Variants in ITPRID1 observed in about 807,000 individuals in gnomAD.
The protein encoded by ITPRID1 is protein ITPRID1.
In ITPRID1, 96 loss-of-function variants were observed where a neutral mutation model predicts 95.4. The ratio of observed to expected loss-of-function variants is 1.01; its 90% CI spans 0.85 to 1.19. ITPRID1 has a LOEUF of 1.19. Ranked by LOEUF, ITPRID1 falls within the 50% of genes most tolerant of loss-of-function variation. The probability of loss-of-function intolerance (pLI) is 0.00; values close to 1 mark genes in which losing one functional copy is unlikely to be tolerated. For missense variants in ITPRID1, 1,339 were observed against 1,252.9 expected, an observed-to-expected ratio of 1.07 and a Z score of -1.04; for synonymous variants, 510 against 453.6, an observed-to-expected ratio of 1.12 and a Z score of -1.58.
intron 1 of ITPRID1, among the ~76,000 whole-genome samples, chr7:31,539,286 G>A (rs1783856719): frequency 6.6e-6 from 1 of 152,174 alleles, no homozygotes; most frequent in African/African-American, 2.4e-5. Context: ...CCAGGCTCAA[G>A]TGATCCTCCC....
At chr7:31,642,581 C>T (rs376025095) in intron 11 of ITPRID1, 101 bp from the exon 12 acceptor site, 88 of 1,062,804 alleles carry the variant, frequency 8.3e-5, no homozygotes, top group Admixed American at 7.8e-4. Context: ...CAACCCTTAT[C>T]TCCTGACTCC....
Position 31,644,101 on chromosome 7 carries a change from T to C in ITPRID1, c.2583+148T>C, listed in dbSNP as rs907118918. On this transcript the variant is annotated intron_variant, in intron 12 of 14. Coordinates refer to ENST00000615280, the MANE Select transcript of ITPRID1 (RefSeq NM_001257967.3). ...TGAATAACATTTGTAGAGTGCTTTATTGTTTATGATATAGTATCACACATT... is the reference window on the plus strand; with the variant it reads ...TGAATAACATTTGTAGAGTGCTTTACTGTTTATGATATAGTATCACACATT... The C allele has an allele frequency of 1.8e-5, 13 of 703,090 alleles. No homozygotes were observed. In the African/African-American group the frequency reaches 2.3e-4, roughly 13 times the overall value. The allele number at this position is 703,090 out of a possible 1,614,324, so 43.6% of individuals were successfully genotyped here.
At position 31,643,149 on chromosome 7, in the gene ITPRID1, C is replaced by T. The variant is rs763795338; in HGVS notation, c.1779C>T (p.His593=). The part of the protein sequence containing the change: ...PEGAGKVQSH[H]NESQRSPGND... Reference sequence around the variant, plus strand: ...GAGCTGGCAAAGTGCAAAGCCACCACAATGAGTCTCAAAGGTCACCTGGAA... The same window carrying T: ...GAGCTGGCAAAGTGCAAAGCCACCATAATGAGTCTCAAAGGTCACCTGGAA... The change falls in exon 12 of 15, where the codon CAC becomes CAT. Residue 593 remains histidine, a synonymous_variant. Coordinates refer to ENST00000615280, the MANE Select transcript of ITPRID1 (RefSeq NM_001257967.3). The T allele has an allele frequency of 1.2e-6, 2 of 1,613,828 alleles. No individual in the cohort carries two copies. Among genetic ancestry groups the T allele is most frequent in the Non-Finnish European group, 1.7e-6 (2 of 1,179,902 alleles).
intron 12 of ITPRID1, among the ~76,000 whole-genome samples, chr7:31,650,793 C>G (rs184493351): frequency 6.6e-6 from 1 of 152,188 alleles, no homozygotes; most frequent in South Asian, 2.1e-4. Context: ...ATTAAACAGA[C>G]TCAATTTCTC....
chr7:31,581,514 A>ATG (rs1428100937), intron 9 of ITPRID1, among the ~76,000 whole-genome samples: 2 of 152,208 alleles, frequency 1.3e-5, no homozygotes, highest in Non-Finnish European at 2.9e-5. Context: ...TCCTGTTTGC[A>ATG]TATAAGCATC....
At chr7:31,625,371 C>G (rs1227003699) in intron 10 of ITPRID1, among the ~76,000 whole-genome samples, 1 of 151,830 alleles carries the variant, frequency 6.6e-6, no homozygotes, top group African/African-American at 2.4e-5. Flanking sequence ...TGGAACCAAC[C>G]CAAATGTCCA....
intron 5 of ITPRID1, among the ~76,000 whole-genome samples, chr7:31,559,110 C>T (rs928161644): frequency 6.6e-6 from 1 of 151,996 alleles, no homozygotes; most frequent in African/African-American, 2.4e-5. Flanking sequence ...GGATTATTGC[C>T]CTCTTCTTGG....
chr7:31,598,624 C>T (rs1002597776), intron 10 of ITPRID1, among the ~76,000 whole-genome samples: 1 of 151,776 alleles, frequency 6.6e-6, no homozygotes, highest in East Asian at 1.9e-4. Flanking sequence ...AGGATGGTCT[C>T]TATCTCCTGA....
chr7:31,541,065 G>A (rs973669885), intron 1 of ITPRID1, among the ~76,000 whole-genome samples: 1 of 152,178 alleles, frequency 6.6e-6, no homozygotes, highest in African/African-American at 2.4e-5. Flanking sequence ...CTCACAGATA[G>A]TTTCCAAATT....
At chr7:31,557,666 A>T (rs1008429886) in intron 5 of ITPRID1, among the ~76,000 whole-genome samples, 1 of 152,198 alleles carries the variant, frequency 6.6e-6, no homozygotes, top group Admixed American at 6.6e-5. Context: ...GAGGATGCAC[A>T]TGCTAGATAC....
At chr7:31,616,993 A>G (rs563434511) in intron 10 of ITPRID1, among the ~76,000 whole-genome samples, 174 of 152,256 alleles carry the variant, frequency 1.1e-3, no homozygotes, top group African/African-American at 4.1e-3. Flanking sequence ...CCTGTTGCTT[A>G]TATTCCAAGT....
In ITPRID1 at chr7:31,642,228, G is replaced by C. The variant is rs772037529; in HGVS notation, c.1281G>C (p.Leu427=). Residue 427 remains leucine, a synonymous_variant, in exon 11 of 15, where the codon CTG becomes CTC. Coordinates refer to ENST00000615280, the MANE Select transcript of ITPRID1 (RefSeq NM_001257967.3). The stretch of plus-strand genomic sequence containing the variant: ...GCCAGTCTGACAGCAGCGGGTTCCT[G>C]GAGGAGCCGCTGGAACCGCTGCCCC... ...NSCQSDSSGF[L]EEPLEPLPLQ... 5 of 1,558,214 alleles carry C rather than the reference G, an allele frequency of 3.2e-6. No homozygotes were observed. In the Admixed American group the frequency reaches 9.6e-5, roughly 30 times the overall value.
At chr7:31,566,424 G>C (rs1024340778) in intron 5 of ITPRID1, among the ~76,000 whole-genome samples, 1 of 152,178 alleles carries the variant, frequency 6.6e-6, no homozygotes, top group Non-Finnish European at 1.5e-5. Flanking sequence ...AGTGCTGGCA[G>C]AATATGCAGC....
chr7:31,637,249 C>G (rs1248479514), intron 10 of ITPRID1, among the ~76,000 whole-genome samples: 1 of 152,100 alleles, frequency 6.6e-6, no homozygotes, highest in African/African-American at 2.4e-5. Context: ...TGGGTGTATA[C>G]CCAGTAATGG....
chr7:31,541,522 CAACAATTT>C, intron 1 of ITPRID1, among the ~76,000 whole-genome samples: 1 of 152,240 alleles, frequency 6.6e-6, no homozygotes, highest in South Asian at 2.1e-4. Context: ...TTGCGGCACA[CAACAATTT>C]TAACATAACA....
At chr7:31,616,535 G>T (rs954453013) in intron 10 of ITPRID1, among the ~76,000 whole-genome samples, 3 of 152,106 alleles carry the variant, frequency 2.0e-5, no homozygotes, top group African/African-American at 7.2e-5. Context: ...GAGGTCATCT[G>T]CCCATCAACA....
At chr7:31,514,299 CCTT>C (rs974142266) in intron 1 of ITPRID1, 179 bp downstream of exon 1, 2 of 152,194 alleles carry the variant, frequency 1.3e-5, no homozygotes, top group Non-Finnish European at 2.9e-5. Context: ...AAAACGTTTA[CCTT>C]CTTCTCTCCC....
intron 1 of ITPRID1, among the ~76,000 whole-genome samples, chr7:31,516,180 T>A (rs181132900): frequency 2.0e-4 from 30 of 152,310 alleles, no homozygotes; most frequent in Middle Eastern, 3.4e-3. Context: ...AGATTAATAA[T>A]AAACCCTCTT....
At position 31,650,114 on chromosome 7, in the gene ITPRID1, G is replaced by C. The variant is rs147336156; in HGVS notation, c.2584-1028G>C. On this transcript the variant is annotated intron_variant, in intron 12 of 14. Coordinates refer to ENST00000615280, the MANE Select transcript of ITPRID1 (RefSeq NM_001257967.3). The stretch of plus-strand genomic sequence containing the variant: ...CGGGGACAGAGGCCCAAACCTTCTA[G>C]ATGATTACATTTCAAAGGAGTGGCT... Among the ~76,000 whole-genome samples the C allele has an allele frequency of 9.5e-4, 144 of 152,314 alleles. 1 individual carries two copies. Among genetic ancestry groups the C allele is most frequent in the African/African-American group, 3.3e-3 (139 of 41,574 alleles).
Sources: allele counts gnomAD v4.1 joint callset (sites outside exome capture counted in the v4.1 genomes callset), GRCh38; gene constraint gnomAD v4.1.1; transcripts MANE v1.5; gene names NCBI Gene and HGNC (gene_info 2026-07-23, HGNC 2026-07-21).